NKAIN2: variants seen among roughly 807,000 people sequenced by gnomAD.
The protein encoded by NKAIN2 is sodium/potassium transporting ATPase interacting 2, also known as sodium/potassium-transporting ATPase subunit beta-1-interacting protein 2.
NKAIN2 carries 14 observed loss-of-function variants against 32.6 expected under a neutral mutation model. That is an observed-to-expected ratio of 0.43 (90% confidence interval 0.28 to 0.67). NKAIN2 has a LOEUF of 0.67. NKAIN2 is among the 30% of genes least tolerant of loss of function. The pLI is 0.17. For synonymous variants in NKAIN2, 80 were observed against 87.2 expected (o/e 0.92, Z 0.46); for missense variants, 198 against 258.3 (o/e 0.77, Z 1.60).
At chr6:124,076,737 G>A (rs1190693588) in intron 1 of NKAIN2, among the ~76,000 whole-genome samples, 1 of 152,154 alleles carries the variant, frequency 6.6e-6, no homozygotes, top group African/African-American at 2.4e-5. Flanking sequence ...AGAAAGGTGA[G>A]CCTTCTGCTT....
At chr6:124,318,906 A>G (rs951373317) in intron 2 of NKAIN2, among the ~76,000 whole-genome samples, 10 of 152,148 alleles carry the variant, frequency 6.6e-5, no homozygotes, top group African/African-American at 2.2e-4. Context: ...TGCTTAACCA[A>G]GAGGCACAAG....
At chr6:124,065,233 C>CA (rs1415197705) in intron 1 of NKAIN2, among the ~76,000 whole-genome samples, 2 of 151,966 alleles carry the variant, frequency 1.3e-5, no homozygotes, top group Admixed American at 1.3e-4. Context: ...CACACACACA[C>CA]ACACACAACA....
chr6:123,940,023 C>T (rs1776742434), intron 1 of NKAIN2, among the ~76,000 whole-genome samples: 1 of 151,774 alleles, frequency 6.6e-6, no homozygotes. Flanking sequence ...CTCTATTTGT[C>T]AGTCATTTAT....
intron 1 of NKAIN2, among the ~76,000 whole-genome samples, chr6:124,169,510 A>T (rs1268068157): frequency 6.6e-6 from 1 of 152,138 alleles, no homozygotes; most frequent in African/African-American, 2.4e-5. Flanking sequence ...GTTCCTAAAT[A>T]TAGTTTCTCA....
At chr6:124,320,161 T>G (rs1797115184) in intron 2 of NKAIN2, among the ~76,000 whole-genome samples, 2 of 152,170 alleles carry the variant, frequency 1.3e-5, no homozygotes, top group Non-Finnish European at 2.9e-5. Context: ...AATACTGTCT[T>G]GACATTTGGA....
At chr6:124,807,260 G>A (rs1167288503) in intron 5 of NKAIN2, among the ~76,000 whole-genome samples, 1 of 152,174 alleles carries the variant, frequency 6.6e-6, no homozygotes, top group Non-Finnish European at 1.5e-5. Flanking sequence ...CTCAGCACAT[G>A]TAAAAGAACA....
chr6:124,640,702 T>G (rs1187684511), intron 3 of NKAIN2, among the ~76,000 whole-genome samples: 1 of 152,214 alleles, frequency 6.6e-6, no homozygotes. Context: ...TTTGCCAAAC[T>G]TAGATCCCAC....
intron 3 of NKAIN2, among the ~76,000 whole-genome samples, chr6:124,634,069 A>G (rs934046271): frequency 1.3e-5 from 2 of 151,684 alleles, no homozygotes; most frequent in Admixed American, 6.6e-5. Context: ...ACTCTACCCA[A>G]TGAACACCAT....
At chr6:124,772,637 T>C in intron 4 of NKAIN2, among the ~76,000 whole-genome samples, 1 of 152,234 alleles carries the variant, frequency 6.6e-6, no homozygotes, top group East Asian at 1.9e-4. Context: ...TTAAATACTG[T>C]TCTCACTAAA....
chr6:124,744,674 C>T (rs1357916850), intron 4 of NKAIN2, among the ~76,000 whole-genome samples: 4 of 151,578 alleles, frequency 2.6e-5, no homozygotes, highest in Admixed American at 6.6e-5. Flanking sequence ...TTCTATTTTG[C>T]GTATTTGGGG....
chr6:123,972,690 G>C (rs969202861), intron 1 of NKAIN2, among the ~76,000 whole-genome samples: 3 of 152,084 alleles, frequency 2.0e-5, no homozygotes. Context: ...TCAAAAAATA[G>C]CCATCAACTT....
At chr6:124,601,156 C>T (rs1349771940) in intron 3 of NKAIN2, among the ~76,000 whole-genome samples, 1 of 152,044 alleles carries the variant, frequency 6.6e-6, no homozygotes, top group African/African-American at 2.4e-5. Flanking sequence ...TCAATAGACA[C>T]AACATGAGGT....
chr6:124,612,403 GC>G (rs1214326206), intron 3 of NKAIN2, among the ~76,000 whole-genome samples: 2 of 152,050 alleles, frequency 1.3e-5, no homozygotes, highest in Non-Finnish European at 2.9e-5. Flanking sequence ...AGGCTAGCTT[GC>G]ATTAATTTTT....
At chr6:124,699,681 A>G (rs1774676638) in intron 4 of NKAIN2, among the ~76,000 whole-genome samples, 1 of 152,184 alleles carries the variant, frequency 6.6e-6, no homozygotes, top group Non-Finnish European at 1.5e-5. Flanking sequence ...GCCTTCCAAC[A>G]TGATTACAAG....
chr6:123,808,579 G>A (rs1415257303), intron 1 of NKAIN2, among the ~76,000 whole-genome samples: 2 of 151,984 alleles, frequency 1.3e-5, no homozygotes, highest in African/African-American at 4.8e-5. Flanking sequence ...TTCTTTCTTC[G>A]TTCACAAAGC....
At position 124,476,891 on chromosome 6, in the gene NKAIN2, T is replaced by C. The variant is rs192697240; in HGVS notation, c.273+121544T>C. Among the ~76,000 whole-genome samples, 467 of 152,246 alleles carry C rather than the reference T, an allele frequency of 3.1e-3. 2 individuals are homozygous for C. Among genetic ancestry groups the C allele is most frequent in the African/African-American group, 0.011 (437 of 41,562 alleles). On this transcript the variant is annotated intron_variant, in intron 3 of 6. Coordinates refer to ENST00000368417, the MANE Select transcript of NKAIN2 (RefSeq NM_001040214.3). ...ACCCTAGATATGAATTTAGGCAAGC[T>C]TCTGTTTACAACAATTATTTCTGAC...
At chr6:123,930,983 T>C (rs1776227565) in intron 1 of NKAIN2, among the ~76,000 whole-genome samples, 1 of 152,142 alleles carries the variant, frequency 6.6e-6, no homozygotes, top group Non-Finnish European at 1.5e-5. Flanking sequence ...AAATGAGCTC[T>C]TAAAAATAAC....
chr6:124,611,143 ACTT>A (rs1275864736), intron 3 of NKAIN2, among the ~76,000 whole-genome samples: 1 of 152,008 alleles, frequency 6.6e-6, no homozygotes, highest in Non-Finnish European at 1.5e-5. Context: ...TCCAAACTCT[ACTT>A]CTTTTAAAAT....
rs565150373 is a variant in NKAIN2 at position 124,101,965 on chromosome 6, A to G, written c.55-181040A>G. Among the ~76,000 whole-genome samples the G allele has an allele frequency of 2.0e-5, 3 of 152,306 alleles. No individual in the cohort carries two copies. In the East Asian group the frequency reaches 5.8e-4, roughly 29 times the overall value. ...GATCCCAATTCCAAAAGCTGTCTGT[A>G]CCAAGATACTGGAGCAGGCAGGGAG... On this transcript the variant is annotated intron_variant, in intron 1 of 6. Coordinates refer to ENST00000368417, the MANE Select transcript of NKAIN2 (RefSeq NM_001040214.3).
Sources: allele counts gnomAD v4.1 joint callset (sites outside exome capture counted in the v4.1 genomes callset), GRCh38; gene constraint gnomAD v4.1.1; transcripts MANE v1.5; gene names NCBI Gene and HGNC (gene_info 2026-07-23, HGNC 2026-07-21).